VPS13A: variants seen among roughly 807,000 people sequenced by gnomAD.
VPS13A encodes intermembrane lipid transfer protein VPS13A.
A neutral mutation model predicts 390.9 loss-of-function variants in VPS13A; 264 were observed. The ratio of observed to expected loss-of-function variants is 0.68; its 90% CI spans 0.61 to 0.75. VPS13A has a LOEUF of 0.75. Among genes scored for constraint, VPS13A ranks in the 30% least tolerant of loss-of-function variants. VPS13A has a pLI of 0.00. For missense variants in VPS13A, 3,409 were observed against 3,733.9 expected, an observed-to-expected ratio of 0.91 and a Z score of 2.27; for synonymous variants, 1,231 against 1,227.1, an observed-to-expected ratio of 1.00 and a Z score of -0.07.
Position 77,417,146 on chromosome 9 carries a change from A to T in VPS13A, c.*1140A>T, listed in dbSNP as rs1360751714. The T allele has an allele frequency of 1.3e-5, 2 of 152,188 alleles. No homozygotes were observed. The highest frequency in any genetic ancestry group is 3.8e-4 in the East Asian group (2 of 5,200). The allele number at this position is 152,188 out of a possible 1,614,324, so 9.4% of individuals were successfully genotyped here. A position where few individuals can be genotyped will look rare whatever the true frequency, so the allele number is the denominator to read the frequency against. ...TAATGGACTGTTTCAGGTAAAAGAGAATGAATGTATGATTGTGAACTGTGA... is the reference window on the plus strand; with the variant it reads ...TAATGGACTGTTTCAGGTAAAAGAGTATGAATGTATGATTGTGAACTGTGA... On this transcript the variant is annotated 3_prime_UTR_variant, in exon 72 of 72. Coordinates refer to ENST00000360280, the MANE Select transcript of VPS13A (RefSeq NM_033305.3).
intron 45 of VPS13A, among the ~76,000 whole-genome samples, chr9:77,324,136 T>TA (rs1362657601): frequency 1.3e-5 from 2 of 152,220 alleles, no homozygotes; most frequent in East Asian, 3.9e-4. Flanking sequence ...TATTTAGAAA[T>TA]ACAGGTTATA....
chr9:77,258,162 C>T (rs896868739), intron 22 of VPS13A, among the ~76,000 whole-genome samples: 1 of 152,152 alleles, frequency 6.6e-6, no homozygotes, highest in African/African-American at 2.4e-5. Flanking sequence ...CTTGTAACAG[C>T]ACCTTTTTTC....
intron 1 of VPS13A, among the ~76,000 whole-genome samples, chr9:77,199,431 T>A (rs901866804): frequency 3.3e-5 from 5 of 152,238 alleles, no homozygotes; most frequent in African/African-American, 9.6e-5. Flanking sequence ...CTTTCATTAA[T>A]CCCATTACCT....
rs10869912 is a variant in VPS13A, at chr9:77,212,875, G to A, written c.556-94G>A. 0.23 allele frequency: 294,842 copies of A among 1,280,170 alleles called. 37,926 individuals carry two copies. Among genetic ancestry groups the A allele is most frequent in the Admixed American group, 0.42 (24,185 of 57,134 alleles). The allele number at this position is 1,280,170 out of a possible 1,614,324, so 79.3% of individuals were successfully genotyped here. On this transcript the variant is annotated intron_variant, in intron 7 of 71. Transcript: ENST00000360280. ...TCTTTAAAGGCATTTTCATGAAAGG[G>A]ACATTGGTCTAGGGTATGGTAGATA...
Position 77,192,307 on chromosome 9 carries a change from G to A in VPS13A, c.101-7638G>A, listed in dbSNP as rs558559335. Among the ~76,000 whole-genome samples the A allele has an allele frequency of 2.0e-5, 3 of 152,264 alleles. No individual in the cohort carries two copies. In the South Asian group the frequency reaches 6.2e-4, roughly 32 times the overall value. On this transcript the variant is annotated intron_variant, in intron 1 of 71. Coordinates refer to ENST00000360280, the MANE Select transcript of VPS13A (RefSeq NM_033305.3). ...GGTTCTTCATATGAATTGCCATTCT[G>A]TGCCTTTGAAGTGGGATGTTTAGCC...
intron 17 of VPS13A, among the ~76,000 whole-genome samples, chr9:77,231,628 G>A (rs563991390): frequency 6.6e-6 from 1 of 152,106 alleles, no homozygotes; most frequent in Admixed American, 6.5e-5. Context: ...TGAGGTGTAA[G>A]AATTCTTTTG....
chr9:77,239,442 G>A (rs1003787902), intron 19 of VPS13A, among the ~76,000 whole-genome samples: 2 of 151,584 alleles, frequency 1.3e-5, no homozygotes, highest in Non-Finnish European at 2.9e-5. Context: ...AGTACATGCA[G>A]GAGTAAATTA....
chr9:77,262,298 A>C (rs1825803007), intron 23 of VPS13A, among the ~76,000 whole-genome samples: 1 of 151,958 alleles, frequency 6.6e-6, no homozygotes, highest in African/African-American at 2.4e-5. Context: ...TTTCCAAGAG[A>C]ATTTCAGAAA....
chr9:77,369,401 G>T lies in VPS13A; in HGVS notation c.8656G>T (p.Glu2886Ter). The change falls in exon 63 of 72, where the codon GAA (glutamate) becomes TAA (stop). Residue 2886 changes from glutamate to a stop codon, truncating the protein, a stop_gained. Transcript: ENST00000360280. LOFTEE classifies it high-confidence loss of function. ...FSEGVEAFFY[E>*]PYQGAIQGPE... The stretch of plus-strand genomic sequence containing the variant: ...TGAAGGTGTAGAAGCATTTTTTTAT[G>T]AACCTTACCAGGTAAAATAGTTATT... The T allele has an allele frequency of 6.3e-7, 1 of 1,597,542 alleles. No homozygotes were observed. The highest frequency in any genetic ancestry group is 1.3e-5 in the African/African-American group (1 of 74,650).
intron 71 of VPS13A, among the ~76,000 whole-genome samples, chr9:77,412,202 C>T (rs1292452804): frequency 1.3e-5 from 2 of 152,274 alleles, no homozygotes; most frequent in African/African-American, 4.8e-5. Context: ...TGAAACTATT[C>T]CAATCAATAG....
rs1426582433 is a variant in VPS13A, at chr9:77,250,007, A to G, written c.2038-90A>G. On this transcript the variant is annotated intron_variant, in intron 20 of 71. Coordinates refer to ENST00000360280, the MANE Select transcript of VPS13A (RefSeq NM_033305.3). ...CTTACTTGTGAATTTATCCTCTCCTATTAACATTTTATAAGTCTAAAAATT... is the reference window on the plus strand; with the variant it reads ...CTTACTTGTGAATTTATCCTCTCCTGTTAACATTTTATAAGTCTAAAAATT... 9 of 1,427,038 alleles carry G rather than the reference A, an allele frequency of 6.3e-6. No individual in the cohort carries two copies. In the East Asian group the frequency reaches 1.2e-4, roughly 20 times the overall value. The allele number at this position is 1,427,038 out of a possible 1,614,324, so 88.4% of individuals were successfully genotyped here.
In VPS13A at chr9:77,421,218, G is replaced by A. The variant is rs1363316590; in HGVS notation, c.*5212G>A. 6.6e-6 allele frequency: 1 copy of A among 152,058 alleles called. No homozygotes were observed. Among genetic ancestry groups the A allele is most frequent in the Non-Finnish European group, 1.5e-5 (1 of 68,016 alleles). 9.4% of individuals were successfully genotyped at this position (152,058 alleles called of 1,614,324 possible). On this transcript the variant is annotated 3_prime_UTR_variant, in exon 72 of 72. Coordinates refer to ENST00000360280, the MANE Select transcript of VPS13A (RefSeq NM_033305.3). ...TTTTAAAAATATCTATTTCTGCATC[G>A]CTGCAGGATTTCCTACACTTTTCTG...
In VPS13A at chr9:77,386,947, G is replaced by A. The variant is rs1033314207; in HGVS notation, c.9189+4860G>A. On this transcript the variant is annotated intron_variant, in intron 68 of 71. Coordinates refer to ENST00000360280, the MANE Select transcript of VPS13A (RefSeq NM_033305.3). ...TGGTCTCGATCTGACCTCGTGATCCGCCTGCCTCGGCCTCCCAAGGTGCTG... is the reference window on the plus strand; with the variant it reads ...TGGTCTCGATCTGACCTCGTGATCCACCTGCCTCGGCCTCCCAAGGTGCTG... 2.6e-5 allele frequency among the ~76,000 whole-genome samples: 4 copies of A among 151,814 alleles called. 1 individual carries two copies. Among genetic ancestry groups the A allele is most frequent in the South Asian group, 4.2e-4 (2 of 4,802 alleles).
At chr9:77,319,728 T>C (rs1359950058) in intron 42 of VPS13A, 55 bp downstream of exon 42, 2 of 1,005,218 alleles carry the variant, frequency 2.0e-6, no homozygotes, top group Non-Finnish European at 1.4e-6. Flanking sequence ...TTTAAAAGAC[T>C]TTATTTTTTT....
chr9:77,238,700 G>T (rs946661766), intron 19 of VPS13A, among the ~76,000 whole-genome samples: 2 of 152,116 alleles, frequency 1.3e-5, no homozygotes, highest in African/African-American at 4.8e-5. Context: ...TCCAGATTTT[G>T]ATATATCAGC....
chr9:77,397,222 C>A (rs1834153387), intron 68 of VPS13A, among the ~76,000 whole-genome samples: 1 of 152,106 alleles, frequency 6.6e-6, no homozygotes, highest in Non-Finnish European at 1.5e-5. Flanking sequence ...AACTCCTGGC[C>A]TTGGGATCCG....
At position 77,344,060 on chromosome 9, in the gene VPS13A, G is replaced by C. The variant is rs1231938091; in HGVS notation, c.7027-93G>C. On this transcript the variant is annotated intron_variant, in intron 50 of 71. Transcript: ENST00000360280. ...CAGTGTTAAAACAGGTTTTTTTATA[G>C]TTTAAGTCTATTCTGATGGGAATAT... is the stretch of plus-strand genomic sequence containing the variant. 4.1e-6 allele frequency: 5 copies of C among 1,230,584 alleles called. No homozygotes were observed. The East Asian group carries it at 1.0e-4, about 26-fold the overall frequency. The allele number at this position is 1,230,584 out of a possible 1,614,324, so 76.2% of individuals were successfully genotyped here. A position where few individuals can be genotyped will look rare whatever the true frequency, so the allele number is the denominator to read the frequency against.
chr9:77,415,305 A>G (rs188931279), intron 71 of VPS13A, among the ~76,000 whole-genome samples: 52 of 152,308 alleles, frequency 3.4e-4, no homozygotes, highest in Admixed American at 1.7e-3. Flanking sequence ...GGATTCAGTT[A>G]TCTTTGTCTC....
rs140643033 is a variant in VPS13A, at chr9:77,370,187, A to G, written c.8668-70A>G. 9.9e-4 allele frequency: 1,542 copies of G among 1,550,152 alleles called. 18 individuals are homozygous for G. The highest frequency in any genetic ancestry group is 6.3e-5 in the Non-Finnish European group (71 of 1,124,750). ...TTTGTTACTACCTCTTTCGTCGTAT[A>G]TATCCGTAAGCTCATCTTTAAAAGT... On this transcript the variant is annotated intron_variant, in intron 63 of 71. Coordinates refer to ENST00000360280, the MANE Select transcript of VPS13A (RefSeq NM_033305.3).
Sources: allele counts gnomAD v4.1 joint callset (sites outside exome capture counted in the v4.1 genomes callset), GRCh38; gene constraint gnomAD v4.1.1; transcripts MANE v1.5; gene names NCBI Gene and HGNC (gene_info 2026-07-23, HGNC 2026-07-21).